The following PAX5 variants were observed in gnomAD, a reference collection of about 807,000 sequenced individuals.
The protein encoded by PAX5 is paired box protein Pax-5.
In PAX5, 9 loss-of-function variants were observed where a neutral mutation model predicts 43.7. The observed-to-expected ratio is 0.21, with a 90% CI of 0.12 to 0.36. The LOEUF is 0.36. PAX5 is among the 10% of genes least tolerant of loss of function. PAX5 has a pLI of 1.00. For missense variants in PAX5, 383 were observed against 532.7 expected (o/e 0.72, Z 2.77); for synonymous variants, 228 against 214.3 (o/e 1.06, Z -0.56).
intron 1 of PAX5, among the ~76,000 whole-genome samples, chr9:37,027,909 G>A (rs1052235239): frequency 6.6e-6 from 1 of 152,244 alleles, no homozygotes; most frequent in Non-Finnish European, 1.5e-5. Context: ...AGGCGGCGGC[G>A]CCACGTTCAT....
At chr9:36,854,781 C>G (rs970793607) in intron 8 of PAX5, among the ~76,000 whole-genome samples, 2 of 152,246 alleles carry the variant, frequency 1.3e-5, no homozygotes, top group Non-Finnish European at 2.9e-5. Context: ...CTCTCTCCCA[C>G]CAGCTCAGGC....
In PAX5 at chr9:36,909,814, A is replaced by ATTTTTTT. The variant is rs752114508; in HGVS notation, c.910+13534_910+13540dup. On this transcript the variant is annotated intron_variant, in intron 7 of 9. Transcript: ENST00000358127. ...TTTCCAAGAGAAGCTAGACATTTTAATTTTTTTTTTTTTTTTTTTTTTTTA... is the reference window on the plus strand; with the variant it reads ...TTTCCAAGAGAAGCTAGACATTTTAATTTTTTTTTTTTTTTTTTTTTTTTTTTTTTTA... 4.4e-3 allele frequency among the ~76,000 whole-genome samples: 400 copies of ATTTTTTT among 91,868 alleles called. 27 individuals are homozygous for ATTTTTTT. The highest frequency in any genetic ancestry group is 0.015 in the African/African-American group (306 of 20,742). The allele number at this position is 91,868 out of a possible 152,430, so 60.3% of individuals were successfully genotyped here. A position where few individuals can be genotyped will look rare whatever the true frequency, so the allele number is the denominator to read the frequency against.
At chr9:36,955,920 T>C (rs1430034687) in intron 6 of PAX5, among the ~76,000 whole-genome samples, 1 of 152,100 alleles carries the variant, frequency 6.6e-6, no homozygotes, top group Non-Finnish European at 1.5e-5. Flanking sequence ...ACGTTCTTTT[T>C]TAAAAAATAA....
chr9:36,877,376 T>A (rs1469860956), intron 8 of PAX5, among the ~76,000 whole-genome samples: 3 of 152,064 alleles, frequency 2.0e-5, no homozygotes. Flanking sequence ...GTGAAAGTAG[T>A]GGCAGCTAAA....
chr9:36,896,013 C>T (rs2131836038), intron 7 of PAX5, among the ~76,000 whole-genome samples: 1 of 152,282 alleles, frequency 6.6e-6, no homozygotes, highest in East Asian at 1.9e-4. Flanking sequence ...GGCAGGTCCC[C>T]TCTCCTCTGT....
At chr9:36,992,237 C>T (rs1170573472) in intron 5 of PAX5, among the ~76,000 whole-genome samples, 3 of 149,418 alleles carry the variant, frequency 2.0e-5, no homozygotes, top group Non-Finnish European at 3.0e-5. Flanking sequence ...GTCTTTTAGA[C>T]CTGCTTTTCC....
At chr9:37,024,478 C>T (rs979886954) in intron 1 of PAX5, among the ~76,000 whole-genome samples, 41 of 152,312 alleles carry the variant, frequency 2.7e-4, no homozygotes, top group African/African-American at 9.6e-4. Flanking sequence ...CCTCAGCCAC[C>T]TTCCAGGATC....
chr9:37,014,396 A>G (rs548828490), intron 3 of PAX5, among the ~76,000 whole-genome samples: 1 of 152,178 alleles, frequency 6.6e-6, no homozygotes, highest in East Asian at 1.9e-4. Flanking sequence ...CCTGGACAAC[A>G]CCTCTGGAGT....
intron 8 of PAX5, among the ~76,000 whole-genome samples, chr9:36,859,087 A>C (rs1253710315): frequency 6.6e-6 from 1 of 152,176 alleles, no homozygotes; most frequent in Non-Finnish European, 1.5e-5. Context: ...CTGTGTGCTG[A>C]GAACTCAGCA....
intron 5 of PAX5, among the ~76,000 whole-genome samples, chr9:36,969,266 C>T (rs938200825): frequency 1.3e-5 from 2 of 152,242 alleles, no homozygotes; most frequent in Non-Finnish European, 2.9e-5. Flanking sequence ...CCCACCCAGG[C>T]TGCTCCATCA....
chr9:36,998,305 A>AG (rs1837564109), intron 5 of PAX5, among the ~76,000 whole-genome samples: 1 of 152,208 alleles, frequency 6.6e-6, no homozygotes, highest in African/African-American at 2.4e-5. Flanking sequence ...CTATACTGAA[A>AG]GGGCCCTTCG....
chr9:36,849,180 C>T (rs1219217971), intron 8 of PAX5, among the ~76,000 whole-genome samples: 1 of 152,246 alleles, frequency 6.6e-6, no homozygotes, highest in Admixed American at 6.5e-5. Context: ...CTGTGTGCCA[C>T]CCTCACCCCA....
At chr9:37,025,513 G>C (rs983754272) in intron 1 of PAX5, among the ~76,000 whole-genome samples, 2 of 152,176 alleles carry the variant, frequency 1.3e-5, no homozygotes, top group Non-Finnish European at 2.9e-5. Flanking sequence ...ACCCCGAGCG[G>C]CACCCGAGCC....
intron 5 of PAX5, among the ~76,000 whole-genome samples, chr9:36,994,296 C>T (rs1564054403): frequency 6.6e-6 from 1 of 152,214 alleles, no homozygotes; most frequent in South Asian, 2.1e-4. Context: ...CAGGTCCTCA[C>T]CATCTCTGCC....
chr9:36,950,735 C>CTTTTTTTTTTTTTTTTTTTTTTTTTT, intron 6 of PAX5, among the ~76,000 whole-genome samples: 1 of 116,638 alleles, frequency 8.6e-6, no homozygotes, highest in Non-Finnish European at 1.9e-5. Context: ...ACTGAGTTTT[C>CTTTTTTTTTTTTTTTTTTTTTTTTTT]TTTTTTTTTT....
chr9:37,030,756 C>G (rs935791256), intron 1 of PAX5, among the ~76,000 whole-genome samples: 2 of 152,212 alleles, frequency 1.3e-5, no homozygotes, highest in African/African-American at 4.8e-5. Flanking sequence ...TCCCTTTCCA[C>G]GCCTCCCAGC....
chr9:36,864,296 G>A (rs2131668341), intron 8 of PAX5: 1 of 154,540 alleles, frequency 6.5e-6, no homozygotes, highest in South Asian at 2.0e-4. Flanking sequence ...CCAAGTCCTG[G>A]TCCATGCAGC....
Position 36,833,287 on chromosome 9 carries a change from ATTAC to A in PAX5, c.*7269_*7272del, listed in dbSNP as rs1821412672. 1 of 231,754 alleles carries A rather than the reference ATTAC, an allele frequency of 4.3e-6. No homozygotes were observed. Among genetic ancestry groups the A allele is most frequent in the East Asian group, 6.1e-5 (1 of 16,336 alleles). The allele number at this position is 231,754 out of a possible 1,614,324, so 14.4% of individuals were successfully genotyped here. On this transcript the variant is annotated 3_prime_UTR_variant, in exon 10 of 10. Transcript: ENST00000358127. Reference sequence around the variant, plus strand: ...CAAATTCTTTTTCTGAACTTAAAAAATTACTTTTATTTTAGGAACCAATAAAATT... The same window carrying A: ...CAAATTCTTTTTCTGAACTTAAAAAATTTTATTTTAGGAACCAATAAAATT...
intron 6 of PAX5, among the ~76,000 whole-genome samples, chr9:36,932,166 T>A (rs1023633567): frequency 6.6e-6 from 1 of 151,974 alleles, no homozygotes; most frequent in Non-Finnish European, 1.5e-5. Flanking sequence ...CCAGCTATTT[T>A]GGAGAATGAG....
Sources: gnomAD v4.1 joint callset for allele counts (sites outside exome capture counted in the v4.1 genomes callset) on GRCh38, gnomAD v4.1.1 for gene constraint, MANE v1.5 for transcripts, NCBI Gene and HGNC (gene_info 2026-07-23, HGNC 2026-07-21) for gene names.